CACNA1D: variants seen among roughly 807,000 people sequenced by gnomAD.
CACNA1D encodes voltage-dependent L-type calcium channel subunit alpha-1D.
In CACNA1D, 55 loss-of-function variants were observed where a neutral mutation model predicts 257.1. The ratio of observed to expected loss-of-function variants is 0.21; its 90% CI spans 0.17 to 0.27. The LOEUF (loss-of-function observed/expected upper bound fraction) is 0.27. Among genes scored for constraint, CACNA1D ranks in the 10% least tolerant of loss-of-function variants. The pLI is 1.00. For missense variants in CACNA1D, 1,876 were observed against 2,784.0 expected, an observed-to-expected ratio of 0.67 and a Z score of 7.34; for synonymous variants, 980 against 1,014.9, an observed-to-expected ratio of 0.97 and a Z score of 0.65.
chr3:53,649,857 C>G (rs1031375493), intron 3 of CACNA1D, among the ~76,000 whole-genome samples: 2 of 152,190 alleles, frequency 1.3e-5, no homozygotes, highest in African/African-American at 4.8e-5. Context: ...CTCTGTTGGT[C>G]CATGTTTCTA....
intron 5 of CACNA1D, among the ~76,000 whole-genome samples, chr3:53,662,486 T>C (rs1307573332): frequency 6.6e-6 from 1 of 152,182 alleles, no homozygotes; most frequent in Non-Finnish European, 1.5e-5. Flanking sequence ...TTATCAAAGT[T>C]CAAGACCATC....
intron 8 of CACNA1D, among the ~76,000 whole-genome samples, chr3:53,691,991 G>T (rs1222815544): frequency 1.5e-5 from 2 of 134,274 alleles, no homozygotes; most frequent in African/African-American, 5.6e-5. Context: ...TCAATGGCAC[G>T]ATGGGTGTAG....
At chr3:53,745,369 T>G (rs190940889) in intron 23 of CACNA1D, among the ~76,000 whole-genome samples, 35 of 152,194 alleles carry the variant, frequency 2.3e-4, no homozygotes, top group Admixed American at 9.2e-4. Flanking sequence ...GCCTCCTCAG[T>G]AGCTGGGATT....
chr3:53,581,806 A>G (rs975868538), intron 3 of CACNA1D, among the ~76,000 whole-genome samples: 3 of 152,206 alleles, frequency 2.0e-5, no homozygotes, highest in Admixed American at 6.5e-5. Flanking sequence ...TAAGAGGCAC[A>G]TGCAAGAAGG....
At chr3:53,772,754 T>C in intron 32 of CACNA1D, 79 bp from the exon 33 acceptor site, 1 of 1,005,366 alleles carries the variant, frequency 9.9e-7, no homozygotes, top group Non-Finnish European at 1.6e-6. Context: ...ATGTGGCCAC[T>C]CATGGGTCTT....
intron 3 of CACNA1D, among the ~76,000 whole-genome samples, chr3:53,522,458 A>G (rs911645022): frequency 6.6e-6 from 1 of 152,332 alleles, no homozygotes; most frequent in Middle Eastern, 3.4e-3. Flanking sequence ...TGTGGTTGCC[A>G]GTATAAAGGC....
At chr3:53,749,167 C>T in intron 26 of CACNA1D, 101 bp from the exon 27 acceptor site, 1 of 819,600 alleles carries the variant, frequency 1.2e-6, no homozygotes, top group Non-Finnish European at 2.1e-6. Context: ...AGCGAGTGCT[C>T]ATGAGAGGAG....
chr3:53,805,886 C>T (rs1316855081), intron 45 of CACNA1D, among the ~76,000 whole-genome samples: 1 of 122,796 alleles, frequency 8.1e-6, no homozygotes, highest in Non-Finnish European at 1.7e-5. Flanking sequence ...CTCCTCCTCC[C>T]GCATCTTCTC....
At chr3:53,599,465 A>G (rs951340433) in intron 3 of CACNA1D, among the ~76,000 whole-genome samples, 3 of 152,116 alleles carry the variant, frequency 2.0e-5, no homozygotes, top group Non-Finnish European at 2.9e-5. Flanking sequence ...TTTGAAAGAG[A>G]TAAAAGCTTA....
intron 2 of CACNA1D, among the ~76,000 whole-genome samples, chr3:53,498,070 T>C (rs2090427028): frequency 6.6e-6 from 1 of 152,200 alleles, no homozygotes; most frequent in African/African-American, 2.4e-5. Context: ...TGATCAGTGC[T>C]ATAACTTCCT....
chr3:53,656,992 G>A (rs1186291142), intron 4 of CACNA1D, among the ~76,000 whole-genome samples: 1 of 152,056 alleles, frequency 6.6e-6, no homozygotes, highest in Non-Finnish European at 1.5e-5. Context: ...TGGAAAAAAT[G>A]CGCCCATTTC....
At chr3:53,772,104 G>A (rs1468189643) in intron 32 of CACNA1D, among the ~76,000 whole-genome samples, 3 of 152,250 alleles carry the variant, frequency 2.0e-5, no homozygotes, top group Non-Finnish European at 4.4e-5. Context: ...TAAGACAGCA[G>A]TTGACATTCA....
chr3:53,597,699 G>A (rs896399821), intron 3 of CACNA1D, among the ~76,000 whole-genome samples: 5 of 152,166 alleles, frequency 3.3e-5, no homozygotes, highest in Non-Finnish European at 4.4e-5. Flanking sequence ...GGCACAGGTC[G>A]CTTCATGAGT....
At chr3:53,614,142 A>AG (rs1559918186) in intron 3 of CACNA1D, among the ~76,000 whole-genome samples, 3 of 151,478 alleles carry the variant, frequency 2.0e-5, no homozygotes, top group Non-Finnish European at 4.4e-5. Flanking sequence ...AAAAAAAAAA[A>AG]AGAGAGACAA....
In CACNA1D at chr3:53,712,885, G is replaced by T. The variant is rs149972929; in HGVS notation, c.1391-5416G>T. On this transcript the variant is annotated intron_variant, in intron 9 of 47. Coordinates refer to ENST00000350061, the MANE Select transcript of CACNA1D (RefSeq NM_001128840.3). The stretch of plus-strand genomic sequence containing the variant: ...TACTAATGGGACAGGTTCTAGACGA[G>T]GCTGGAGGGCTCTGGGCTCAGTTTG... Among the ~76,000 whole-genome samples the T allele has an allele frequency of 3.5e-3, 527 of 152,346 alleles. 3 individuals are homozygous for T. Among genetic ancestry groups the T allele is most frequent in the African/African-American group, 0.012 (506 of 41,576 alleles).
chr3:53,634,817 T>G (rs2093863031), intron 3 of CACNA1D, among the ~76,000 whole-genome samples: 1 of 152,066 alleles, frequency 6.6e-6, no homozygotes, highest in South Asian at 2.1e-4. Context: ...CTTGGAGACT[T>G]TCAGTGCCTT....
rs369536787 is a variant in CACNA1D at position 53,718,636 on chromosome 3, C to A, written c.1478+248C>A. On this transcript the variant is annotated intron_variant, in intron 10 of 47. Coordinates refer to ENST00000350061, the MANE Select transcript of CACNA1D (RefSeq NM_001128840.3). ...CATGCCTCTTCCTGTAAGTAGAGCC[C>A]GTGAAGAATGTGGTGGTTAACCTGG... is the stretch of plus-strand genomic sequence containing the variant. The A allele has an allele frequency of 2.1e-6, 3 of 1,456,800 alleles. No homozygotes were observed. In the South Asian group the frequency reaches 3.6e-5, roughly 18 times the overall value. 90.2% of individuals were successfully genotyped at this position (1,456,800 alleles called of 1,614,324 possible). A position where few individuals can be genotyped will look rare whatever the true frequency, so the allele number is the denominator to read the frequency against.
At chr3:53,594,099 G>T (rs1258054595) in intron 3 of CACNA1D, among the ~76,000 whole-genome samples, 1 of 152,230 alleles carries the variant, frequency 6.6e-6, no homozygotes, top group Non-Finnish European at 1.5e-5. Flanking sequence ...GTGTGCACGT[G>T]TGTCCGTGTG....
chr3:53,647,888 G>A (rs1248684023), intron 3 of CACNA1D, among the ~76,000 whole-genome samples: 10 of 152,184 alleles, frequency 6.6e-5, no homozygotes, highest in Admixed American at 6.5e-4. Flanking sequence ...AAGGAAGTTT[G>A]TATTTCTTAT....
Sources: allele counts gnomAD v4.1 joint callset (sites outside exome capture counted in the v4.1 genomes callset), GRCh38; gene constraint gnomAD v4.1.1; transcripts MANE v1.5; gene names NCBI Gene and HGNC (gene_info 2026-07-23, HGNC 2026-07-21).